NPM1: variants seen among roughly 807,000 people sequenced by gnomAD.
NPM1 encodes nucleophosmin.
NPM1 carries 1 observed loss-of-function variant against 44.1 expected under a neutral mutation model. The ratio of observed to expected loss-of-function variants is 0.02; its 90% CI spans 0.01 to 0.11. NPM1 has a LOEUF of 0.11. NPM1 is among the 10% of genes least tolerant of loss of function. The probability of loss-of-function intolerance (pLI) is 1.00; values close to 1 mark genes in which losing one functional copy is unlikely to be tolerated. For missense variants in NPM1, 197 were observed against 347.8 expected (o/e 0.57, Z 3.45); for synonymous variants, 126 against 111.8 (o/e 1.13, Z -0.80).
At chr5:171,395,837 G>A (rs1438628850) in intron 6 of NPM1, among the ~76,000 whole-genome samples, 1 of 152,150 alleles carries the variant, frequency 6.6e-6, no homozygotes, top group Non-Finnish European at 1.5e-5. Context: ...CTTGATTTAA[G>A]CAAGAAAGGC....
At chr5:171,388,062 TG>T (rs1770350788) in intron 1 of NPM1, 56 bp downstream of exon 1, 3 of 531,398 alleles carry the variant, frequency 5.6e-6, no homozygotes, top group African/African-American at 4.7e-5. Context: ...GCGGTGAGGG[TG>T]GGGGTGAGGG....
At chr5:171,391,960 G>A (rs534894269) in intron 4 of NPM1, among the ~76,000 whole-genome samples, 161 bp downstream of exon 4, 1 of 149,980 alleles carries the variant, frequency 6.7e-6, no homozygotes, top group African/African-American at 2.5e-5. Context: ...TTTGGGGCGG[G>A]GGGGAGAGGA....
At chr5:171,391,888 G>T (rs1770592196) in intron 4 of NPM1, 89 bp downstream of exon 4, 2 of 693,660 alleles carry the variant, frequency 2.9e-6, no homozygotes, top group African/African-American at 3.7e-5. Flanking sequence ...CATGGGTATA[G>T]TACTACTGTC....
At chr5:171,398,549 C>T (rs1771029518) in intron 6 of NPM1, among the ~76,000 whole-genome samples, 1 of 152,036 alleles carries the variant, frequency 6.6e-6, no homozygotes, top group African/African-American at 2.4e-5. Flanking sequence ...CTGAGGCAGG[C>T]GGATCATGAC....
chr5:171,405,352 A>T lies in NPM1; in HGVS notation c.720A>T (p.Gly240=). ...KQEKTPKTPK[G]PSSVEDIKAK... ...AAAAAACTCCTAAAACACCAAAAGG[A>T]CCTAGTTCTGTAGAAGACATTAAAG... The change falls in exon 9 of 11, where the codon GGA becomes GGT. Residue 240 remains glycine (G), a synonymous_variant. Coordinates refer to ENST00000296930, the MANE Select transcript of NPM1 (RefSeq NM_002520.7). 1.3e-6 allele frequency: 2 copies of T among 1,597,492 alleles called. No individual in the cohort carries two copies. The highest frequency in any genetic ancestry group is 2.2e-5 in the East Asian group (1 of 44,760).
chr5:171,387,804 C>T, upstream of NPM1: 1 of 744,426 alleles, frequency 1.3e-6, no homozygotes, highest in Non-Finnish European at 2.3e-6. Context: ...GGGAAGCGCT[C>T]GCGAGATCTT....
intron 1 of NPM1, among the ~76,000 whole-genome samples, chr5:171,388,234 G>A (rs1770365989): frequency 6.6e-6 from 1 of 152,178 alleles, no homozygotes; most frequent in African/African-American, 2.4e-5. Context: ...GAAGCGTCTG[G>A]GGCGTGAGCG....
At position 171,407,732 on chromosome 5, in the gene NPM1, C is replaced by T; in HGVS notation, c.804C>T (p.Phe268=). 2 of 1,611,402 alleles carry T rather than the reference C, an allele frequency of 1.2e-6. No homozygotes were observed. The highest frequency in any genetic ancestry group is 1.7e-6 in the Non-Finnish European group (2 of 1,177,786). Residue 268 remains phenylalanine (F), a synonymous_variant, in exon 10 of 11, where the codon TTC becomes TTT. Transcript: ENST00000296930. ...GGSLPKVEAK[F]INYVKNCFRM... is the part of the protein sequence containing the mutation. ...CTCTTCCCAAAGTGGAAGCCAAATT[C>T]ATCAATTATGTGAAGAATTGCTTCC...
At chr5:171,405,755 A>T (rs1287366046) in intron 9 of NPM1, 2 of 225,988 alleles carry the variant, frequency 8.9e-6, no homozygotes, top group Non-Finnish European at 1.7e-5. Context: ...ATGAGACTTC[A>T]TTAAAATTAC....
At chr5:171,388,078 G>GGGGGGGGGGGC in intron 1 of NPM1, 72 bp downstream of exon 1, 1 of 616,750 alleles carries the variant, frequency 1.6e-6, no homozygotes, top group East Asian at 3.9e-5. Context: ...TGAGGGGCGG[G>GGGGGGGGGGGC]AATCCGGCTG....
chr5:171,400,295 G>C lies in NPM1; in HGVS notation c.582+85G>C. On this transcript the variant is annotated intron_variant, in intron 7 of 10. Coordinates refer to ENST00000296930, the MANE Select transcript of NPM1 (RefSeq NM_002520.7). ...TGCTATTTGCTTGTTTTGTAGTTAA[G>C]GGAAGCTGGTGTGGGAGATCATCTC... 2.1e-6 allele frequency: 2 copies of C among 955,930 alleles called. 1 individual carries two copies. The highest frequency in any genetic ancestry group is 3.8e-5 in the South Asian group (2 of 53,292). The allele number at this position is 955,930 out of a possible 1,614,324, so 59.2% of individuals were successfully genotyped here. A position where few individuals can be genotyped will look rare whatever the true frequency, so the allele number is the denominator to read the frequency against.
chr5:171,407,655 G>A (rs769632881), intron 9 of NPM1, 45 bp from the exon 10 acceptor site: 8 of 1,046,926 alleles, frequency 7.6e-6, no homozygotes, highest in East Asian at 2.4e-5. Flanking sequence ...TATCTCTCTC[G>A]GTGTATTTCT....
Position 171,392,769 on chromosome 5 carries a change from A to T in NPM1, c.412A>T (p.Ile138Leu), listed in dbSNP as rs747866671. The change falls in exon 5 of 11, where the codon ATA (isoleucine) becomes TTA (leucine). Residue 138 changes from isoleucine to leucine, a missense_variant. Ile to Leu is a conservative substitution (Grantham distance 5, BLOSUM62 2). Transcript: ENST00000296930. ...GGAGGAGGATGTGAAACTCTTAAGT[A>T]TATCTGGAAAGCGGTCTGCCCCTGG... ...EEEEDVKLLS[I>L]SGKRSAPGGG... 1 of 1,613,922 alleles carries T rather than the reference A, an allele frequency of 6.2e-7. No individual in the cohort carries two copies. Among genetic ancestry groups the T allele is most frequent in the South Asian group, 1.1e-5 (1 of 91,074 alleles).
At chr5:171,402,265 A>G (rs1771248971) in intron 8 of NPM1, among the ~76,000 whole-genome samples, 1 of 151,090 alleles carries the variant, frequency 6.6e-6, no homozygotes, top group Non-Finnish European at 1.5e-5. Context: ...ACAGCTCAAT[A>G]TCACTGATTA....
At chr5:171,409,897 C>G (rs940023925) in intron 10 of NPM1, among the ~76,000 whole-genome samples, 1 of 151,790 alleles carries the variant, frequency 6.6e-6, no homozygotes, top group Non-Finnish European at 1.5e-5. Flanking sequence ...TGGGCTCAGG[C>G]AGTCCTCCCA....
At chr5:171,403,782 G>T (rs201767878) in intron 8 of NPM1, among the ~76,000 whole-genome samples, 10,969 of 96,324 alleles carry the variant, frequency 0.11, 23 homozygotes, top group East Asian at 0.19. Flanking sequence ...GCCGGGCAGA[G>T]GGGCTCCTCA....
chr5:171,407,845 C>CT, intron 10 of NPM1, 71 bp downstream of exon 10: 1 of 917,578 alleles, frequency 1.1e-6, no homozygotes, highest in Non-Finnish European at 1.8e-6. Context: ...TGCCTTTACC[C>CT]TTTTTAAGTG....
At chr5:171,395,963 A>T (rs76100158) in intron 6 of NPM1, among the ~76,000 whole-genome samples, 20,648 of 140,146 alleles carry the variant, frequency 0.15, 1,607 homozygotes, top group Middle Eastern at 0.29. Flanking sequence ...GTAAAGCTGA[A>T]TTTTTTTTTT....
intron 9 of NPM1, chr5:171,405,609 C>T (rs1346804649): frequency 9.1e-6 from 5 of 551,190 alleles, no homozygotes; most frequent in East Asian, 6.4e-5. Context: ...ATTAAATATG[C>T]CTTATTTTCC....
Sources: allele counts gnomAD v4.1 joint callset (sites outside exome capture counted in the v4.1 genomes callset), GRCh38; gene constraint gnomAD v4.1.1; transcripts MANE v1.5; gene names NCBI Gene and HGNC (gene_info 2026-07-23, HGNC 2026-07-21).